The following ANKAR variants were observed in gnomAD, a reference collection of about 807,000 sequenced individuals.
ANKAR encodes the protein ankyrin and armadillo repeat-containing protein.
A neutral mutation model predicts 146.2 loss-of-function variants in ANKAR; 136 were observed. That is an observed-to-expected ratio of 0.93 (90% CI 0.81 to 1.07). The LOEUF is 1.07. ANKAR is among the 50% of genes least tolerant of loss of function. The probability of loss-of-function intolerance (pLI) is 0.00; values close to 1 mark genes in which losing one functional copy is unlikely to be tolerated. For missense variants in ANKAR, 1,567 were observed against 1,679.9 expected, an observed-to-expected ratio of 0.93 and a Z score of 1.18; for synonymous variants, 500 against 575.8, an observed-to-expected ratio of 0.87 and a Z score of 1.88.
At chr2:189,698,692 G>A (rs1475061370) in intron 7 of ANKAR, among the ~76,000 whole-genome samples, 1 of 152,210 alleles carries the variant, frequency 6.6e-6, no homozygotes, top group Admixed American at 6.5e-5. Flanking sequence ...CGTTAGAGGA[G>A]GAGCACAGCA....
At position 189,689,777 on chromosome 2, in the gene ANKAR, C is replaced by T. The variant is rs750512421; in HGVS notation, c.852C>T (p.Thr284=). ...KYNQDYLDIC[T]YQRLQQRLYL... ...ATCAGGATTATCTTGATATCTGTAC[C>T]TACCAGAGACTACAGCAAAGATTAT... The change falls in exon 3 of 23, where the codon ACC becomes ACT. Residue 284 remains threonine, a synonymous_variant. Coordinates refer to ENST00000684021, the MANE Select transcript of ANKAR (RefSeq NM_001378068.1). The T allele has an allele frequency of 3.1e-6, 5 of 1,610,176 alleles. No individual in the cohort carries two copies. In the South Asian group the frequency reaches 3.3e-5, roughly 11 times the overall value.
At chr2:189,761,464 A>G (rs1313036946), downstream of ANKAR, 41 of 1,612,582 alleles carry the variant, frequency 2.5e-5, no homozygotes, top group Non-Finnish European at 3.1e-5. Flanking sequence ...CTCCCAACAC[A>G]TTTCCAGTTT....
In ANKAR at chr2:189,692,358, T is replaced by C; in HGVS notation, c.1143T>C (p.His381=). ...HYKENQYFHV[H]GGIEFDISTP... ...AAGAGAATCAATATTTTCATGTTCA[T>C]GGAGGAATTGAATTTGATATCAGCA... is the stretch of plus-strand genomic sequence containing the variant. Residue 381 remains histidine (H), a synonymous_variant, in exon 4 of 23, where the codon CAT becomes CAC. Transcript: ENST00000684021. 3.7e-6 allele frequency: 6 copies of C among 1,613,154 alleles called. No homozygotes were observed. The highest frequency in any genetic ancestry group is 4.2e-6 in the Non-Finnish European group (5 of 1,179,726).
intron 18 of ANKAR, chr2:189,752,618 T>C (rs2045453198): frequency 1.2e-6 from 2 of 1,606,632 alleles, no homozygotes; most frequent in South Asian, 2.2e-5. Flanking sequence ...TTAAGTAATG[T>C]AACTTGCATA....
At position 189,742,833 on chromosome 2, in the gene ANKAR, G is replaced by GACACACACAC. The variant is rs371664229; in HGVS notation, c.3811-432_3811-423dup. ...CTTTGGTGGCACATTAGAATTACCT[G>GACACACACAC]ACACACACACACACACACATTAGAA... is the stretch of plus-strand genomic sequence containing the variant. On this transcript the variant is annotated intron_variant, in intron 20 of 22. Coordinates refer to ENST00000684021, the MANE Select transcript of ANKAR (RefSeq NM_001378068.1). Among the ~76,000 whole-genome samples the GACACACACAC allele has an allele frequency of 1.7e-3, 90 of 53,310 alleles. 14 individuals are homozygous for GACACACACAC. Among genetic ancestry groups the GACACACACAC allele is most frequent in the Middle Eastern group, 0.012 (1 of 86 alleles). The allele number at this position is 53,310 out of a possible 152,430, so 35.0% of individuals were successfully genotyped here.
At chr2:189,742,070 G>C (rs1295155322) in intron 20 of ANKAR, among the ~76,000 whole-genome samples, 1 of 152,180 alleles carries the variant, frequency 6.6e-6, no homozygotes, top group African/African-American at 2.4e-5. Context: ...CACAGCAGTG[G>C]CTTGCCTCTG....
At chr2:189,711,311 T>C (rs1479313663) in intron 10 of ANKAR, among the ~76,000 whole-genome samples, 158 bp downstream of exon 10, 1 of 152,230 alleles carries the variant, frequency 6.6e-6, no homozygotes, top group Non-Finnish European at 1.5e-5. Context: ...GTCAACCATA[T>C]ATTTTATTTT....
At chr2:189,754,605 G>A (rs1458970429) in intron 18 of ANKAR, 2 of 430,866 alleles carry the variant, frequency 4.6e-6, no homozygotes, top group African/African-American at 4.1e-5. Flanking sequence ...TGGGCTTGAA[G>A]TTGACAATAA....
chr2:189,755,031 T>C, intron 18 of ANKAR: 1 of 949,718 alleles, frequency 1.1e-6, no homozygotes, highest in Non-Finnish European at 1.5e-6. Context: ...CTTTCTATTT[T>C]TTCTCACCAT....
chr2:189,676,248 T>C (rs2033654802), intron 1 of ANKAR, among the ~76,000 whole-genome samples: 3 of 152,200 alleles, frequency 2.0e-5, no homozygotes, highest in African/African-American at 7.2e-5. Flanking sequence ...CAGAACATGG[T>C]TAATGATAAA....
intron 2 of ANKAR, among the ~76,000 whole-genome samples, chr2:189,685,088 C>A (rs2035350514): frequency 6.6e-6 from 1 of 151,958 alleles, no homozygotes; most frequent in African/African-American, 2.4e-5. Context: ...TCATTGCAGC[C>A]TCAGACTCCT....
intron 18 of ANKAR, 116 bp downstream of exon 18, chr2:189,737,957 C>G: frequency 2.0e-6 from 2 of 977,416 alleles, no homozygotes; most frequent in African/African-American, 1.7e-5. Context: ...AAACTTAGTA[C>G]TTTGCACATA....
Position 189,688,776 on chromosome 2 carries a change from T to C in ANKAR, c.602-751T>C, listed in dbSNP as rs73048429. ...TTCACTTTGGGGTGGAGACTTAACA[T>C]ATAAATGCATTACAATTAGGCCCTT... On this transcript the variant is annotated intron_variant, in intron 2 of 22. Coordinates refer to ENST00000684021, the MANE Select transcript of ANKAR (RefSeq NM_001378068.1). 6.1e-3 allele frequency among the ~76,000 whole-genome samples: 927 copies of C among 152,312 alleles called. 13 individuals carry two copies. The highest frequency in any genetic ancestry group is 0.021 in the African/African-American group (872 of 41,570).
At chr2:189,695,709 G>A (rs990846120) in intron 6 of ANKAR, among the ~76,000 whole-genome samples, 6 of 152,088 alleles carry the variant, frequency 3.9e-5, no homozygotes, top group Admixed American at 1.3e-4. Context: ...TTGTTTTCAC[G>A]TCCACAAATT....
intron 2 of ANKAR, among the ~76,000 whole-genome samples, chr2:189,684,071 T>G: frequency 6.6e-6 from 1 of 152,140 alleles, no homozygotes; most frequent in East Asian, 1.9e-4. Flanking sequence ...TCTTAGACTC[T>G]TTCCAGAAGG....
intron 7 of ANKAR, among the ~76,000 whole-genome samples, chr2:189,702,151 T>A (rs1456237482): frequency 1.3e-5 from 2 of 152,184 alleles, no homozygotes; most frequent in African/African-American, 4.8e-5. Context: ...GGTTAGGGTC[T>A]GATAAAAGCC....
At chr2:189,762,769 C>T (rs570368325), downstream of ANKAR, 10 of 985,404 alleles carry the variant, frequency 1.0e-5, no homozygotes, top group Non-Finnish European at 1.2e-5. Flanking sequence ...AGGAGAAAGC[C>T]CGAACCTGGC....
At chr2:189,720,557 C>G (rs537997106) in intron 11 of ANKAR, 62 bp from the exon 12 acceptor site, 1 of 1,203,102 alleles carries the variant, frequency 8.3e-7, no homozygotes, top group Admixed American at 3.1e-5. Context: ...ACTTGTATTT[C>G]TAAATAAAGA....
At chr2:189,686,973 C>A (rs756266619) in intron 2 of ANKAR, among the ~76,000 whole-genome samples, 5 of 152,128 alleles carry the variant, frequency 3.3e-5, no homozygotes, top group African/African-American at 7.2e-5. Flanking sequence ...GTGTTACAGA[C>A]AATCCAATTA....
Sources: allele counts gnomAD v4.1 joint callset (sites outside exome capture counted in the v4.1 genomes callset), GRCh38; gene constraint gnomAD v4.1.1; transcripts MANE v1.5; gene names NCBI Gene and HGNC (gene_info 2026-07-23, HGNC 2026-07-21).